The following KIF11 variants were observed in gnomAD, a reference collection of about 807,000 sequenced individuals.
KIF11 encodes kinesin-like protein KIF11.
In KIF11, 9 loss-of-function variants were observed where a neutral mutation model predicts 121.0. That is an observed-to-expected ratio of 0.07 (90% CI 0.04 to 0.13). The LOEUF (loss-of-function observed/expected upper bound fraction) is 0.13, where lower values mean the gene tolerates loss of function less well. Among genes scored for constraint, KIF11 ranks in the 10% least tolerant of loss-of-function variants. The pLI is 1.00. For missense variants in KIF11, 846 were observed against 1,217.5 expected (o/e 0.69, Z 4.54); for synonymous variants, 408 against 421.0 (o/e 0.97, Z 0.38).
chr10:92,621,681 G>A (rs995525825), intron 10 of KIF11, among the ~76,000 whole-genome samples: 8 of 151,776 alleles, frequency 5.3e-5, no homozygotes, highest in South Asian at 2.1e-4. Context: ...GGCTCACTAC[G>A]TCCTCAGTCT....
chr10:92,608,405 C>T (rs1441634213), intron 4 of KIF11, among the ~76,000 whole-genome samples: 2 of 151,628 alleles, frequency 1.3e-5, no homozygotes, highest in Non-Finnish European at 2.9e-5. Context: ...ATGGAATAGG[C>T]TTAAAGCATA....
At chr10:92,612,338 A>C (rs1215216432) in intron 6 of KIF11, among the ~76,000 whole-genome samples, 1 of 151,968 alleles carries the variant, frequency 6.6e-6, no homozygotes, top group Non-Finnish European at 1.5e-5. Context: ...TGGTCCCACT[A>C]TGTTGCCCAG....
intron 1 of KIF11, among the ~76,000 whole-genome samples, chr10:92,604,088 A>T (rs892463927): frequency 5.1e-4 from 78 of 152,124 alleles, no homozygotes; most frequent in South Asian, 2.1e-4. Context: ...GAATTTTTAT[A>T]TAACTATGGT....
intron 8 of KIF11, 87 bp from the exon 9 acceptor site, chr10:92,616,644 TTACTTG>T: frequency 1.6e-6 from 1 of 623,140 alleles, no homozygotes; most frequent in South Asian, 2.1e-5. Flanking sequence ...CTATAAAATA[TTACTTG>T]TAAGTTATTA....
rs1845016293 is a variant in KIF11, at chr10:92,653,932, C to T, written c.*136C>T. On this transcript the variant is annotated 3_prime_UTR_variant, in exon 22 of 22. Transcript: ENST00000260731. ...GGCGCGGTGGCTCATGCCTGTAATC[C>T]CAGCACTTTGGGAGGCTGAGGCGGG... The T allele has an allele frequency of 1.5e-6, 1 of 676,822 alleles. No individual in the cohort carries two copies. The highest frequency in any genetic ancestry group is 1.8e-5 in the African/African-American group (1 of 54,434). The allele number at this position is 676,822 out of a possible 1,614,324, so 41.9% of individuals were successfully genotyped here. A position where few individuals can be genotyped will look rare whatever the true frequency, so the allele number is the denominator to read the frequency against.
At chr10:92,605,638 C>T (rs1844422289) in intron 1 of KIF11, among the ~76,000 whole-genome samples, 1 of 151,998 alleles carries the variant, frequency 6.6e-6, no homozygotes. Flanking sequence ...AGGCATGCAC[C>T]ACCATGCCCA....
intron 12 of KIF11, among the ~76,000 whole-genome samples, chr10:92,631,949 A>G (rs1341295368): frequency 6.6e-6 from 1 of 152,168 alleles, no homozygotes; most frequent in East Asian, 1.9e-4. Flanking sequence ...CGTTGGGATT[A>G]CAGGTGTAAG....
intron 8 of KIF11, among the ~76,000 whole-genome samples, chr10:92,614,787 A>C (rs1844535637): frequency 6.6e-6 from 1 of 151,964 alleles, no homozygotes; most frequent in Non-Finnish European, 1.5e-5. Flanking sequence ...TTATTTATTA[A>C]TTTTTTTACT....
chr10:92,619,646 G>A (rs1844597105), intron 9 of KIF11, among the ~76,000 whole-genome samples: 1 of 152,004 alleles, frequency 6.6e-6, no homozygotes, highest in Admixed American at 6.6e-5. Context: ...GCATTTGGTG[G>A]TGTAACTTTT....
At position 92,633,892 on chromosome 10, in the gene KIF11, A is replaced by G. The variant is rs537434432; in HGVS notation, c.1875+97A>G. On this transcript the variant is annotated intron_variant, in intron 14 of 21. Transcript: ENST00000260731. ...TACATTTGATAAGTCTTTATAAACAATGTTAACTGCTATTCTTTCTTCCTG... is the reference window on the plus strand; with the variant it reads ...TACATTTGATAAGTCTTTATAAACAGTGTTAACTGCTATTCTTTCTTCCTG... The G allele has an allele frequency of 1.5e-3, 1,127 of 764,170 alleles. 4 individuals carry two copies. Among genetic ancestry groups the G allele is most frequent in the Middle Eastern group, 3.5e-3 (9 of 2,540 alleles). 47.3% of individuals were successfully genotyped at this position (764,170 alleles called of 1,614,324 possible). A position where few individuals can be genotyped will look rare whatever the true frequency, so the allele number is the denominator to read the frequency against.
Position 92,649,481 on chromosome 10 carries a change from C to G in KIF11, c.2771-354C>G, listed in dbSNP as rs544421106. Among the ~76,000 whole-genome samples the G allele has an allele frequency of 3.9e-5, 6 of 152,214 alleles. No homozygotes were observed. In the East Asian group the frequency reaches 1.2e-3, roughly 29 times the overall value. The stretch of plus-strand genomic sequence containing the variant: ...CCACATTTATAGTGAAATGATTACT[C>G]CTATCAAAGTAATCATGTTGGGAAA... On this transcript the variant is annotated intron_variant, in intron 19 of 21. Coordinates refer to ENST00000260731, the MANE Select transcript of KIF11 (RefSeq NM_004523.4).
In KIF11 at chr10:92,593,130, A is replaced by C. The variant is rs562137764; in HGVS notation, c.-246A>C. On this transcript the variant is annotated 5_prime_UTR_variant, in exon 1 of 22. Transcript: ENST00000260731. ...AAATTGAGGCGCCGAGTCGTTGCTT[A>C]GTTTCTGGGGATTCGGGCGGAGACG... 6.6e-6 allele frequency among the ~76,000 whole-genome samples: 1 copy of C among 152,322 alleles called. No individual in the cohort carries two copies. Among genetic ancestry groups the C allele is most frequent in the East Asian group, 1.9e-4 (1 of 5,176 alleles).
At position 92,654,525 on chromosome 10, in the gene KIF11, A is replaced by AT. The variant is rs1165775917; in HGVS notation, c.*732dup. On this transcript the variant is annotated 3_prime_UTR_variant, in exon 22 of 22. Transcript: ENST00000260731. ...TCTTGCATCCTCCCTAGACTTCCCTATTTCGCTTTCTCCTCGGCTCACTTT... is the reference window on the plus strand; with the variant it reads ...TCTTGCATCCTCCCTAGACTTCCCTATTTTCGCTTTCTCCTCGGCTCACTTT... 6.6e-6 allele frequency: 1 copy of AT among 151,828 alleles called. No homozygotes were observed. The highest frequency in any genetic ancestry group is 1.5e-5 in the Non-Finnish European group (1 of 67,990). The allele number at this position is 151,828 out of a possible 1,614,324, so 9.4% of individuals were successfully genotyped here.
At chr10:92,640,525 A>G (rs566515986) in intron 17 of KIF11, among the ~76,000 whole-genome samples, 4 of 152,262 alleles carry the variant, frequency 2.6e-5, no homozygotes, top group African/African-American at 9.6e-5. Context: ...TCCGCCTTCC[A>G]GGCTCACGCC....
At chr10:92,632,730 T>C (rs1343774602) in intron 13 of KIF11, 37 bp downstream of exon 13, 1 of 1,312,788 alleles carries the variant, frequency 7.6e-7, no homozygotes, top group Non-Finnish European at 1.1e-6. Context: ...CTTGATGTGT[T>C]AAGTGTAATG....
intron 17 of KIF11, among the ~76,000 whole-genome samples, chr10:92,640,652 G>A (rs1296183211): frequency 1.3e-5 from 2 of 152,060 alleles, no homozygotes; most frequent in East Asian, 1.9e-4. Context: ...GGATGGTCTC[G>A]ATCTCCTGAC....
intron 10 of KIF11, among the ~76,000 whole-genome samples, chr10:92,626,684 C>T (rs1252091398): frequency 6.6e-6 from 1 of 152,194 alleles, no homozygotes; most frequent in Non-Finnish European, 1.5e-5. Context: ...TGTATTACCC[C>T]TTGGCATTCA....
At chr10:92,611,918 AT>A (rs775699969) in intron 6 of KIF11, among the ~76,000 whole-genome samples, 31 of 150,588 alleles carry the variant, frequency 2.1e-4, no homozygotes, top group Non-Finnish European at 3.8e-4. Flanking sequence ...AAGATACTTA[AT>A]TTTTTTTTTA....
Position 92,642,212 on chromosome 10 carries a change from T to C in KIF11, c.2267+2312T>C, listed in dbSNP as rs948283511. ...ATATATGATAAGTGATTTCCTATTGTACCTTGAAGATTTTGGGTATTATGT... is the reference window on the plus strand; with the variant it reads ...ATATATGATAAGTGATTTCCTATTGCACCTTGAAGATTTTGGGTATTATGT... On this transcript the variant is annotated intron_variant, in intron 17 of 21. Transcript: ENST00000260731. 2.0e-5 allele frequency among the ~76,000 whole-genome samples: 3 copies of C among 152,322 alleles called. No homozygotes were observed. In the South Asian group the frequency reaches 6.2e-4, roughly 32 times the overall value.
Sources: gnomAD v4.1 joint callset for allele counts (sites outside exome capture counted in the v4.1 genomes callset) on GRCh38, gnomAD v4.1.1 for gene constraint, MANE v1.5 for transcripts, NCBI Gene and HGNC (gene_info 2026-07-23, HGNC 2026-07-21) for gene names.